Variants in MERTK observed in about 807,000 individuals in gnomAD.
MERTK encodes the protein tyrosine-protein kinase Mer.
MERTK carries 69 observed loss-of-function variants against 99.3 expected under a neutral mutation model. The ratio of observed to expected loss-of-function variants is 0.70; its 90% CI spans 0.57 to 0.85. The LOEUF (loss-of-function observed/expected upper bound fraction) is 0.85, where lower values mean the gene tolerates loss of function less well. Ranked by LOEUF, MERTK falls within the 40% of genes least tolerant of loss-of-function variation. The pLI, the probability that MERTK is intolerant of heterozygous loss-of-function variation, is 0.00. For synonymous variants in MERTK, 426 were observed against 467.6 expected, an observed-to-expected ratio of 0.91 and a Z score of 1.15; for missense variants, 1,125 against 1,249.4, an observed-to-expected ratio of 0.90 and a Z score of 1.50.
At chr2:111,942,520 C>T (rs1412387824) in intron 2 of MERTK, among the ~76,000 whole-genome samples, 2 of 152,144 alleles carry the variant, frequency 1.3e-5, no homozygotes, top group Non-Finnish European at 2.9e-5. Context: ...TCAGCCAGCT[C>T]CTTATTTGGA....
intron 15 of MERTK, among the ~76,000 whole-genome samples, chr2:112,011,107 T>C (rs1053142693): frequency 1.4e-4 from 22 of 152,178 alleles, no homozygotes; most frequent in Non-Finnish European, 1.5e-5. Flanking sequence ...TTAGCTGCCA[T>C]CAGTATGAGG....
At position 112,001,220 on chromosome 2, in the gene MERTK, G is replaced by T. The variant is rs758082617; in HGVS notation, c.1624G>T (p.Asp542Tyr). ...ACCCAGGAATGCATTCACAGAGGAG[G>T]ATTCTGAATTAGTGGTGAATTATAT... Reference protein sequence around the residue: ...TKFGNAFTEEDSELVVNYIAK... With the variant: ...TKFGNAFTEEYSELVVNYIAK... The change falls in exon 11 of 19, where the codon GAT becomes TAT. Residue 542 changes from aspartate to tyrosine, a missense_variant. By Grantham distance (160) the Asp-to-Tyr change is radical. Coordinates refer to ENST00000295408, the MANE Select transcript of MERTK (RefSeq NM_006343.3). 1 of 1,613,334 alleles carries T rather than the reference G, an allele frequency of 6.2e-7. No homozygotes were observed. The highest frequency in any genetic ancestry group is 1.1e-5 in the South Asian group (1 of 91,050).
Position 111,982,969 on chromosome 2 carries a change from C to T in MERTK, c.1272C>T (p.His424=), listed in dbSNP as rs747244747. The change falls in exon 8 of 19, where the codon CAC becomes CAT. Residue 424 remains histidine (H), a synonymous_variant. Coordinates refer to ENST00000295408, the MANE Select transcript of MERTK (RefSeq NM_006343.3). ...DGELVGYRIS[H]VWQSAGISKE... ...AACTGGTGGGCTACCGGATATCCCA[C>T]GTGTGGCAGAGTGCAGGGATTTCCG... The T allele has an allele frequency of 2.2e-5, 35 of 1,613,966 alleles. No homozygotes were observed. The highest frequency in any genetic ancestry group is 2.1e-4 in the African/African-American group (16 of 74,888).
chr2:111,989,660 G>A (rs1033318737), intron 8 of MERTK, among the ~76,000 whole-genome samples: 13 of 152,192 alleles, frequency 8.5e-5, no homozygotes, highest in South Asian at 8.3e-4. Context: ...TGGACGGGTT[G>A]TGAATTCTTA....
At chr2:111,988,579 CAT>C (rs1676541749) in intron 8 of MERTK, among the ~76,000 whole-genome samples, 1 of 152,204 alleles carries the variant, frequency 6.6e-6, no homozygotes, top group Admixed American at 6.5e-5. Context: ...TAAGAATAAT[CAT>C]AGCCACCACT....
chr2:111,912,972 C>G, intron 1 of MERTK: 2 of 934,588 alleles, frequency 2.1e-6, no homozygotes, highest in Non-Finnish European at 2.6e-6. Context: ...GGATCCTCAT[C>G]TATGAACTGG....
intron 2 of MERTK, among the ~76,000 whole-genome samples, chr2:111,944,512 A>AAGGAATTATTCCTTAAAATAC (rs1684924285): frequency 6.6e-6 from 1 of 152,304 alleles, no homozygotes; most frequent in Non-Finnish European, 1.5e-5. Flanking sequence ...CCTTAAAATA[A>AAGGAATTATTCCTTAAAATAC]TTCCTCTGTT....
At chr2:111,989,269 T>C (rs1439359485) in intron 8 of MERTK, among the ~76,000 whole-genome samples, 1 of 152,184 alleles carries the variant, frequency 6.6e-6, no homozygotes, top group African/African-American at 2.4e-5. Context: ...GTCACCTTTG[T>C]TGTTGTCATG....
intron 1 of MERTK, among the ~76,000 whole-genome samples, chr2:111,924,949 C>T (rs565801502): frequency 3.3e-5 from 5 of 152,040 alleles, no homozygotes; most frequent in East Asian, 1.9e-4. Flanking sequence ...GCTTTCAGTC[C>T]GGCAGTGGAG....
intron 1 of MERTK, among the ~76,000 whole-genome samples, chr2:111,922,382 T>C (rs373190263): frequency 9.3e-4 from 141 of 152,280 alleles, no homozygotes; most frequent in African/African-American, 3.0e-3. Flanking sequence ...CCTGGAGAGA[T>C]TGAGAGATGC....
chr2:111,898,707 G>T lies in MERTK; in HGVS notation c.-29G>T. On this transcript the variant is annotated 5_prime_UTR_variant, in exon 1 of 19. Transcript: ENST00000295408. Reference sequence around the variant, plus strand: ...GGACGTCCATCTGTCCATCCGTCCGGAGAGAAATTACAGATCCGCAGCCCC... The same window carrying T: ...GGACGTCCATCTGTCCATCCGTCCGTAGAGAAATTACAGATCCGCAGCCCC... 1 of 1,602,804 alleles carries T rather than the reference G, an allele frequency of 6.2e-7. No individual in the cohort carries two copies. Among genetic ancestry groups the T allele is most frequent in the Non-Finnish European group, 8.5e-7 (1 of 1,175,252 alleles).
intron 5 of MERTK, among the ~76,000 whole-genome samples, chr2:111,965,496 A>G (rs981279367): frequency 2.6e-5 from 4 of 152,376 alleles, no homozygotes; most frequent in South Asian, 2.1e-4. Context: ...TTATTGATTT[A>G]ATACAAGTAA....
At chr2:111,899,358 C>T (rs531223291) in intron 1 of MERTK, among the ~76,000 whole-genome samples, 2 of 152,298 alleles carry the variant, frequency 1.3e-5, no homozygotes, top group South Asian at 2.1e-4. Context: ...CTGGCTGCTC[C>T]CAATGGGCCC....
chr2:112,001,287 G>A lies in MERTK; in HGVS notation c.1690+1G>A, dbSNP rs761251269. ...TGTCGGCGAGCCATTGAACTTACCT[G>A]TAAGTTGACTTTCATTTCCCTTTTT... On this transcript the variant is annotated splice_donor_variant, in intron 11 of 18. Transcript: ENST00000295408. LOFTEE classifies it high-confidence loss of function. 6.2e-7 allele frequency: 1 copy of A among 1,609,810 alleles called. No individual in the cohort carries two copies. The highest frequency in any genetic ancestry group is 8.5e-7 in the Non-Finnish European group (1 of 1,176,066).
At chr2:111,999,916 A>T (rs1300577579) in intron 10 of MERTK, among the ~76,000 whole-genome samples, 4 of 152,188 alleles carry the variant, frequency 2.6e-5, no homozygotes, top group Admixed American at 1.3e-4. Flanking sequence ...CAGGGGGTGG[A>T]TCTTGCAAAG....
At chr2:111,929,603 T>TTTATTTATTTAC in intron 2 of MERTK, 63 bp downstream of exon 2, 4 of 1,270,116 alleles carry the variant, frequency 3.1e-6, no homozygotes, top group Admixed American at 5.6e-5. Flanking sequence ...TATTTACTTA[T>TTTATTTATTTAC]TGAGACAGAG....
In MERTK at chr2:111,983,020, A is replaced by G. The variant is rs17175626; in HGVS notation, c.1296+27A>G. ...TAAGTCTAAACCCTAGAAGAGCACG[A>G]TTAGTCATCTCCTTTCAACTTGCTG... On this transcript the variant is annotated intron_variant, in intron 8 of 18. Transcript: ENST00000295408. The G allele has an allele frequency of 3.3e-6, 3 of 911,434 alleles. No homozygotes were observed. The highest frequency in any genetic ancestry group is 2.0e-5 in the African/African-American group (1 of 49,712). 56.5% of individuals were successfully genotyped at this position (911,434 alleles called of 1,614,324 possible).
intron 7 of MERTK, among the ~76,000 whole-genome samples, chr2:111,976,999 T>C (rs1676267331): frequency 6.6e-6 from 1 of 152,190 alleles, no homozygotes; most frequent in African/African-American, 2.4e-5. Context: ...TTAATGTATC[T>C]TAAAATACCA....
chr2:112,011,378 T>A (rs1488265820), intron 15 of MERTK, among the ~76,000 whole-genome samples: 1 of 152,174 alleles, frequency 6.6e-6, no homozygotes, highest in Non-Finnish European at 1.5e-5. Context: ...GGGGTGACAG[T>A]GGCCTAGGGT....
Sources: allele counts gnomAD v4.1 joint callset (sites outside exome capture counted in the v4.1 genomes callset), GRCh38; gene constraint gnomAD v4.1.1; transcripts MANE v1.5; gene names NCBI Gene and HGNC (gene_info 2026-07-23, HGNC 2026-07-21).